PLAAT3: variants seen among roughly 807,000 people sequenced by gnomAD.
PLAAT3 encodes the protein Ca-independent phospholipase A1/2.
PLAAT3 carries 21 observed loss-of-function variants against 16.7 expected under a neutral mutation model. That is an observed-to-expected ratio of 1.26 (90% CI 0.89 to 1.81). The LOEUF (loss-of-function observed/expected upper bound fraction) is 1.81. PLAAT3 is among the 40% of genes most tolerant of loss of function. The pLI is 0.00. For missense variants in PLAAT3, 219 were observed against 213.7 expected (o/e 1.02, Z -0.16); for synonymous variants, 76 against 81.7 (o/e 0.93, Z 0.38).
chr11:63,595,859 A>G (rs536024252), intron 3 of PLAAT3, among the ~76,000 whole-genome samples: 58 of 152,280 alleles, frequency 3.8e-4, no homozygotes, highest in Admixed American at 1.4e-3. Flanking sequence ...AAAAAAGGAA[A>G]TCAAGGCTGA....
upstream of PLAAT3, among the ~76,000 whole-genome samples, chr11:63,615,290 A>ATATATATGTGTGTATATATGTGTG (rs869149053): frequency 1.4e-4 from 3 of 21,646 alleles, 1 homozygote; most frequent in African/African-American, 2.9e-4. Flanking sequence ...ATATATGTGT[A>ATATATATGTGTGTATATATGTGTG]TATATATGTG....
intron 3 of PLAAT3, among the ~76,000 whole-genome samples, chr11:63,595,175 C>T (rs1237393496): frequency 6.6e-6 from 1 of 151,510 alleles, no homozygotes; most frequent in African/African-American, 2.4e-5. Context: ...CCTGTAATCC[C>T]AGCTACTCCA....
intron 2 of PLAAT3, among the ~76,000 whole-genome samples, chr11:63,611,253 T>A (rs980981822): frequency 6.6e-6 from 1 of 152,106 alleles, no homozygotes; most frequent in Non-Finnish European, 1.5e-5. Context: ...ATTACAGACA[T>A]GAACCACACG....
At position 63,581,416 on chromosome 11, in the gene PLAAT3, T is replaced by A. The variant is rs189604932; in HGVS notation, c.388-6370A>T. ...GACGGCCGCTCTGGGAGTGTCTGTCTGATGCAGTTGAGATAAGGACTGAAA... is the reference window on the plus strand; with the variant it reads ...GACGGCCGCTCTGGGAGTGTCTGTCAGATGCAGTTGAGATAAGGACTGAAA... On this transcript the variant is annotated intron_variant, in intron 4 of 4. Transcript: ENST00000415826. Among the ~76,000 whole-genome samples the A allele has an allele frequency of 5.9e-5, 9 of 152,292 alleles. No homozygotes were observed. In the East Asian group the frequency reaches 1.7e-3, roughly 29 times the overall value.
At chr11:63,598,425 G>C (rs1938348299) in intron 2 of PLAAT3, among the ~76,000 whole-genome samples, 1 of 152,206 alleles carries the variant, frequency 6.6e-6, no homozygotes, top group Non-Finnish European at 1.5e-5. Context: ...TGGAGTCTCT[G>C]CCTTATTATT....
chr11:63,590,441 G>T, intron 3 of PLAAT3, 73 bp from the exon 4 acceptor site: 1 of 1,395,524 alleles, frequency 7.2e-7, no homozygotes, highest in Non-Finnish European at 1.0e-6. Flanking sequence ...CTGGCCCCCA[G>T]CCGGGCATCT....
chr11:63,579,519 T>C (rs1937731463), intron 4 of PLAAT3, among the ~76,000 whole-genome samples: 1 of 151,912 alleles, frequency 6.6e-6, no homozygotes, highest in Non-Finnish European at 1.5e-5. Flanking sequence ...GTGGCACATA[T>C]ACACCATGGA....
At chr11:63,578,509 G>A (rs924477612) in intron 4 of PLAAT3, among the ~76,000 whole-genome samples, 1 of 152,006 alleles carries the variant, frequency 6.6e-6, no homozygotes, top group African/African-American at 2.4e-5. Flanking sequence ...GAGCAGTACT[G>A]GTACCAAAAC....
intron 3 of PLAAT3, among the ~76,000 whole-genome samples, chr11:63,594,668 T>TGGGAAGCG (rs1407715373): frequency 6.6e-6 from 1 of 151,682 alleles, no homozygotes; most frequent in Non-Finnish European, 1.5e-5. Context: ...GAAGGCAGAA[T>TGGGAAGCG]GGGAAGCGAG....
intron 2 of PLAAT3, among the ~76,000 whole-genome samples, chr11:63,606,425 A>AACACACAC (rs34044017): frequency 0.036 from 5,011 of 140,150 alleles, 110 homozygotes; most frequent in Middle Eastern, 0.058. Flanking sequence ...TCTACTATAA[A>AACACACAC]ACACACACAC....
intron 3 of PLAAT3, among the ~76,000 whole-genome samples, chr11:63,590,644 A>C (rs890461303): frequency 2.6e-5 from 4 of 152,224 alleles, no homozygotes; most frequent in African/African-American, 9.6e-5. Context: ...CATGACACTT[A>C]AGTGGCCCCC....
rs559177177 is a variant in PLAAT3 at position 63,614,032 on chromosome 11, A to G, written c.-18T>C. The G allele has an allele frequency of 2.5e-6, 4 of 1,612,948 alleles. No homozygotes were observed. The highest frequency in any genetic ancestry group is 2.2e-5 in the South Asian group (2 of 91,024). On this transcript the variant is annotated 5_prime_UTR_variant, in exon 2 of 5. Transcript: ENST00000415826. ...GCACGCATCTTCCCTCGCGGTGTGG[A>G]CCCTCAAGGCCAGGCTCGATTTCGC...
chr11:63,607,692 C>A (rs1456282102), intron 2 of PLAAT3, among the ~76,000 whole-genome samples: 1 of 151,680 alleles, frequency 6.6e-6, no homozygotes, highest in Non-Finnish European at 1.5e-5. Flanking sequence ...CACCGTGCTG[C>A]AATCATAGAA....
At position 63,574,784 on chromosome 11, in the gene PLAAT3, T is replaced by C; in HGVS notation, c.*161A>G. On this transcript the variant is annotated 3_prime_UTR_variant, in exon 5 of 5. Transcript: ENST00000415826. ...TCACACCAGGCAGTTCTTGCTGCAC[T>C]TCCCCCAATAAAATCCTCCCTCGTT... 1 of 605,752 alleles carries C rather than the reference T, an allele frequency of 1.7e-6. No individual in the cohort carries two copies. The highest frequency in any genetic ancestry group is 3.0e-6 in the Non-Finnish European group (1 of 336,704). The allele number at this position is 605,752 out of a possible 1,614,324, so 37.5% of individuals were successfully genotyped here.
chr11:63,583,302 T>A (rs1001946887), intron 4 of PLAAT3, among the ~76,000 whole-genome samples: 1 of 152,166 alleles, frequency 6.6e-6, no homozygotes, highest in Admixed American at 6.5e-5. Flanking sequence ...GGAACCTGCA[T>A]AAAATCACTT....
upstream of PLAAT3, among the ~76,000 whole-genome samples, chr11:63,615,278 GTATATATGTGTA>G (rs1565260046): frequency 1.0e-4 from 5 of 49,988 alleles, 1 homozygote; most frequent in African/African-American, 2.6e-4. Context: ...GTATATATGT[GTATATATGTGTA>G]TATATATGTG....
At position 63,614,038 on chromosome 11, in the gene PLAAT3, A is replaced by G; in HGVS notation, c.-24T>C. ...ATCTTCCCTCGCGGTGTGGACCCTC[A>G]AGGCCAGGCTCGATTTCGCTGCGTA... is the stretch of plus-strand genomic sequence containing the variant. On this transcript the variant is annotated 5_prime_UTR_variant, in exon 2 of 5. Transcript: ENST00000415826. 1.2e-6 allele frequency: 2 copies of G among 1,613,252 alleles called. No individual in the cohort carries two copies. Among genetic ancestry groups the G allele is most frequent in the African/African-American group, 1.3e-5 (1 of 74,978 alleles).
At chr11:63,578,569 A>G (rs960084562) in intron 4 of PLAAT3, among the ~76,000 whole-genome samples, 4 of 152,150 alleles carry the variant, frequency 2.6e-5, no homozygotes, top group South Asian at 2.1e-4. Context: ...ATAATGCCAC[A>G]TATCTACAAC....
intron 4 of PLAAT3, among the ~76,000 whole-genome samples, chr11:63,583,567 G>A (rs1197587705): frequency 6.6e-6 from 1 of 152,166 alleles, no homozygotes; most frequent in Non-Finnish European, 1.5e-5. Flanking sequence ...AGTCCTAATA[G>A]TGCAAACTTG....
Sources: allele counts gnomAD v4.1 joint callset (sites outside exome capture counted in the v4.1 genomes callset), GRCh38; gene constraint gnomAD v4.1.1; transcripts MANE v1.5; gene names NCBI Gene and HGNC (gene_info 2026-07-23, HGNC 2026-07-21).